Variants in SLC2A5 observed in about 807,000 individuals in gnomAD.
The protein encoded by SLC2A5 is solute carrier family 2 member 5, also known as solute carrier family 2, facilitated glucose transporter member 5.
In SLC2A5, 56 loss-of-function variants were observed where a neutral mutation model predicts 50.3. The observed-to-expected ratio is 1.11, with a 90% CI of 0.90 to 1.39. The LOEUF (loss-of-function observed/expected upper bound fraction) is 1.39, where lower values mean the gene tolerates loss of function less well. Among genes scored for constraint, SLC2A5 ranks in the 40% most tolerant of loss-of-function variants. SLC2A5 has a pLI of 0.00. For synonymous variants in SLC2A5, 269 were observed against 281.9 expected (o/e 0.95, Z 0.46); for missense variants, 566 against 650.1 (o/e 0.87, Z 1.41).
intron 3 of SLC2A5, among the ~76,000 whole-genome samples, chr1:9,056,043 C>T (rs1428000228): frequency 2.6e-5 from 4 of 152,204 alleles, no homozygotes; most frequent in South Asian, 2.1e-4. Flanking sequence ...GGCCAAGCGG[C>T]GTGCTCTTAA....
chr1:9,084,726 C>T (rs1040586440), intron 2 of SLC2A5, among the ~76,000 whole-genome samples: 3 of 152,202 alleles, frequency 2.0e-5, no homozygotes, highest in Admixed American at 1.3e-4. Flanking sequence ...GCAGCCACAC[C>T]ATGTGAGCAT....
Position 9,036,209 on chromosome 1 carries a change from T to C in SLC2A5, c.*1377A>G, listed in dbSNP as rs937845056. ...ATTTATTTGAGACAAGGTCTCATTC[T>C]GTCATGCAGGCTGGTGTGCAGTGAT... is the stretch of plus-strand genomic sequence containing the variant. On this transcript the variant is annotated 3_prime_UTR_variant, in exon 12 of 12. Coordinates refer to ENST00000377424, the MANE Select transcript of SLC2A5 (RefSeq NM_003039.3). 7.9e-5 allele frequency: 12 copies of C among 152,230 alleles called. No homozygotes were observed. Among genetic ancestry groups the C allele is most frequent in the African/African-American group, 2.9e-4 (12 of 41,460 alleles). The allele number at this position is 152,230 out of a possible 1,614,324, so 9.4% of individuals were successfully genotyped here.
At chr1:9,039,735 C>T (rs1569837349) in intron 7 of SLC2A5, 65 bp downstream of exon 7, 1 of 1,437,888 alleles carries the variant, frequency 7.0e-7, no homozygotes, top group East Asian at 2.9e-5. Flanking sequence ...CGCCCGGCGC[C>T]CCAGGACCTG....
At chr1:9,061,788 AGCTGGTGGAGCTG>A (rs1272486674) in intron 1 of SLC2A5, among the ~76,000 whole-genome samples, 3 of 152,108 alleles carry the variant, frequency 2.0e-5, no homozygotes, top group African/African-American at 4.8e-5. Flanking sequence ...AGCACAGCCC[AGCTGGTGGAGCTG>A]GCTGGTTCCC....
At chr1:9,042,718 GTGTGTGTA>G (rs1201270888) in intron 4 of SLC2A5, among the ~76,000 whole-genome samples, 1 of 151,770 alleles carries the variant, frequency 6.6e-6, no homozygotes, top group Non-Finnish European at 1.5e-5. Context: ...ATGTGTGTAT[GTGTGTGTA>G]TGTGTGTATG....
At chr1:9,084,784 C>T (rs547462285) in intron 2 of SLC2A5, among the ~76,000 whole-genome samples, 3 of 152,330 alleles carry the variant, frequency 2.0e-5, no homozygotes, top group South Asian at 2.1e-4. Context: ...CTCCAGCCCC[C>T]GTTGGTCTGG....
At chr1:9,078,220 CAGTG>C (rs1325174259) in intron 2 of SLC2A5, among the ~76,000 whole-genome samples, 1 of 152,116 alleles carries the variant, frequency 6.6e-6, no homozygotes. Context: ...CATATAATGA[CAGTG>C]AGGACAACCA....
chr1:9,088,046 G>C (rs566198220), intron 1 of SLC2A5, among the ~76,000 whole-genome samples: 1 of 152,100 alleles, frequency 6.6e-6, no homozygotes, highest in East Asian at 1.9e-4. Context: ...AAATTCTCAG[G>C]GACCTTAACA....
intron 1 of SLC2A5, among the ~76,000 whole-genome samples, chr1:9,058,828 C>T (rs1641828294): frequency 6.6e-6 from 1 of 152,116 alleles, no homozygotes; most frequent in Non-Finnish European, 1.5e-5. Context: ...TCTTTAATGA[C>T]AAGAGGAAAT....
intron 3 of SLC2A5, among the ~76,000 whole-genome samples, chr1:9,055,750 T>C (rs1641734647): frequency 6.6e-6 from 1 of 151,546 alleles, no homozygotes; most frequent in African/African-American, 2.4e-5. Flanking sequence ...ACCCTGTCTC[T>C]ACTAAAAATA....
At chr1:9,077,782 A>AG (rs1557684879) in intron 2 of SLC2A5, among the ~76,000 whole-genome samples, 5 of 141,298 alleles carry the variant, frequency 3.5e-5, no homozygotes, top group Admixed American at 7.2e-5. Flanking sequence ...GGAGGGAAAG[A>AG]AGGGGAAGAA....
intron 2 of SLC2A5, among the ~76,000 whole-genome samples, chr1:9,077,661 G>A (rs112017518): frequency 0.24 from 35,628 of 148,132 alleles, 4,627 homozygotes; most frequent in East Asian, 0.44. Flanking sequence ...AGGCTGAGGC[G>A]GGAGAATCAT....
At chr1:9,052,405 AG>A (rs1450868306) in intron 3 of SLC2A5, among the ~76,000 whole-genome samples, 5 of 152,122 alleles carry the variant, frequency 3.3e-5, no homozygotes, top group African/African-American at 4.8e-5. Context: ...GAGAGGAGGG[AG>A]GGGGTGACTA....
In SLC2A5 at chr1:9,037,019, A is replaced by T. The variant is rs2124290810; in HGVS notation, c.*567T>A. On this transcript the variant is annotated 3_prime_UTR_variant, in exon 12 of 12. Coordinates refer to ENST00000377424, the MANE Select transcript of SLC2A5 (RefSeq NM_003039.3). The stretch of plus-strand genomic sequence containing the variant: ...TTTTCCACTAACAAAATAATTTAGG[A>T]TGAAGAATTCTGACTCAGTGTCTCC... 1 of 153,818 alleles carries T rather than the reference A, an allele frequency of 6.5e-6. No homozygotes were observed. The highest frequency in any genetic ancestry group is 1.4e-5 in the Non-Finnish European group (1 of 69,170). The allele number at this position is 153,818 out of a possible 1,614,324, so 9.5% of individuals were successfully genotyped here. A position where few individuals can be genotyped will look rare whatever the true frequency, so the allele number is the denominator to read the frequency against.
chr1:9,077,256 A>AGG lies in SLC2A5; in HGVS notation c.-58-7664_-58-7663dup, dbSNP rs571112387. On this transcript the variant is annotated intron_variant, in intron 2 of 5. Coordinates refer to the SLC2A5 transcript ENST00000464985. ...CTCTACAAAAATACAAAAATTAGCC[A>AGG]GGCATGGTGCTGCATGCCTGTAGTC... 6.3e-3 allele frequency among the ~76,000 whole-genome samples: 950 copies of AGG among 151,420 alleles called. 7 individuals are homozygous for AGG. The highest frequency in any genetic ancestry group is 0.021 in the African/African-American group (891 of 41,456).
At chr1:9,067,520 A>G (rs968868043) in intron 1 of SLC2A5, among the ~76,000 whole-genome samples, 1 of 152,236 alleles carries the variant, frequency 6.6e-6, no homozygotes, top group Non-Finnish European at 1.5e-5. Flanking sequence ...TTCTCTGGAC[A>G]GCGGAGGACC....
At position 9,037,878 on chromosome 1, in the gene SLC2A5, G is replaced by A; in HGVS notation, c.1302+19C>T. On this transcript the variant is annotated intron_variant, in intron 11 of 11. Transcript: ENST00000377424. ...GCATGGGGATCTGGTGGTGAGCGTG[G>A]GCCCCGGGCCCCACTCACCTGGATG... 1 of 1,613,338 alleles carries A rather than the reference G, an allele frequency of 6.2e-7. No individual in the cohort carries two copies. The highest frequency in any genetic ancestry group is 8.5e-7 in the Non-Finnish European group (1 of 1,179,746).
rs1641267068 is a variant in SLC2A5, at chr1:9,040,299, AG to A, written c.572-111del. The A allele has an allele frequency of 1.1e-5, 15 of 1,328,802 alleles. No homozygotes were observed. Among genetic ancestry groups the A allele is most frequent in the Non-Finnish European group, 1.4e-5 (14 of 994,666 alleles). 82.3% of individuals were successfully genotyped at this position (1,328,802 alleles called of 1,614,324 possible). ...TCCTGAGTGGGGTGCAGGCTCCAGGAGGGCACAGCTTTCCCAGCCCTAAGAA... is the reference window on the plus strand; with the variant it reads ...TCCTGAGTGGGGTGCAGGCTCCAGGAGGCACAGCTTTCCCAGCCCTAAGAA... On this transcript the variant is annotated intron_variant, in intron 5 of 11. Coordinates refer to ENST00000377424, the MANE Select transcript of SLC2A5 (RefSeq NM_003039.3). The surrounding 1 kb of genome is among the most constrained non-coding windows in gnomAD (Gnocchi z 4.3).
At chr1:9,071,366 C>T (rs1158762919), upstream of SLC2A5, among the ~76,000 whole-genome samples, 1 of 152,184 alleles carries the variant, frequency 6.6e-6, no homozygotes, top group South Asian at 2.1e-4. Flanking sequence ...ACCTAGATCA[C>T]ACCACTGCAC....
Sources: allele counts gnomAD v4.1 joint callset (sites outside exome capture counted in the v4.1 genomes callset), GRCh38; gene constraint gnomAD v4.1.1; non-coding constraint Gnocchi (gnomAD v3.1); transcripts MANE v1.5; gene names NCBI Gene and HGNC (gene_info 2026-07-23, HGNC 2026-07-21).